CD58: variants seen among roughly 807,000 people sequenced by gnomAD.
CD58 encodes the protein CD58 molecule.
Under a neutral mutation model 27.6 loss-of-function variants are expected in CD58, and 14 were observed. The ratio of observed to expected loss-of-function variants is 0.51; its 90% CI spans 0.34 to 0.79. The LOEUF is 0.79. Among genes scored for constraint, CD58 ranks in the 30% least tolerant of loss-of-function variants. CD58 has a pLI of 0.02. For missense variants in CD58, 268 were observed against 301.7 expected (o/e 0.89, Z 0.83); for synonymous variants, 117 against 103.8 (o/e 1.13, Z -0.77).
chr1:116,561,817 T>G (rs1437789710), intron 1 of CD58, among the ~76,000 whole-genome samples: 2 of 152,238 alleles, frequency 1.3e-5, no homozygotes, highest in East Asian at 3.8e-4. Context: ...TACCTAAGCT[T>G]TGTTCTCCTA....
intron 1 of CD58, among the ~76,000 whole-genome samples, chr1:116,568,716 G>C (rs1304091772): frequency 1.3e-5 from 2 of 152,340 alleles, no homozygotes; most frequent in East Asian, 3.9e-4. Context: ...TCTATGAAGT[G>C]GGTTTATTAT....
intron 3 of CD58, among the ~76,000 whole-genome samples, chr1:116,530,081 G>A (rs765253301): frequency 3.3e-5 from 5 of 152,110 alleles, no homozygotes; most frequent in Non-Finnish European, 7.4e-5. Flanking sequence ...ATTTTGAAAC[G>A]TATAGAGAGT....
chr1:116,570,273 GA>G lies in CD58; in HGVS notation c.70+629del, dbSNP rs2101244365. On this transcript the variant is annotated intron_variant, in intron 1 of 5. Transcript: ENST00000369489. This position sits in a 1 kb window ranked among gnomAD's most constrained non-coding sequence, Gnocchi z 6.4. ...ACACGGAGAGGATGGAACCAGTTCT[GA>G]TACTAGTTTTTAGGATTTGAGGGGA... is the stretch of plus-strand genomic sequence containing the variant. Among the ~76,000 whole-genome samples the G allele has an allele frequency of 6.6e-6, 1 of 152,306 alleles. No homozygotes were observed. The highest frequency in any genetic ancestry group is 2.1e-4 in the South Asian group (1 of 4,828).
intron 3 of CD58, among the ~76,000 whole-genome samples, chr1:116,525,133 T>A (rs7512402): frequency 6.6e-6 from 1 of 152,242 alleles, no homozygotes; most frequent in Non-Finnish European, 1.5e-5. Flanking sequence ...TTTGGACAAA[T>A]GTATAATAAC....
At position 116,514,564 on chromosome 1, in the gene CD58, A is replaced by C; in HGVS notation, c.*249T>G. Reference sequence around the variant, plus strand: ...TGTGTACATATTTACATTTATTTACAAAAGTATCTACATCATCAGTAAAAA... The same window carrying C: ...TGTGTACATATTTACATTTATTTACCAAAGTATCTACATCATCAGTAAAAA... On this transcript the variant is annotated 3_prime_UTR_variant, in exon 6 of 6. Coordinates refer to ENST00000369489, the MANE Select transcript of CD58 (RefSeq NM_001779.3). 2.3e-6 allele frequency: 1 copy of C among 432,280 alleles called. No homozygotes were observed. Among genetic ancestry groups the C allele is most frequent in the Non-Finnish European group, 4.2e-6 (1 of 239,846 alleles). The allele number at this position is 432,280 out of a possible 1,614,324, so 26.8% of individuals were successfully genotyped here.
At position 116,534,672 on chromosome 1, in the gene CD58, A is replaced by G. The variant is rs551650676; in HGVS notation, c.628+1293T>C. On this transcript the variant is annotated intron_variant, in intron 3 of 5. Transcript: ENST00000369489. This position sits in a 1 kb window ranked among gnomAD's most constrained non-coding sequence, Gnocchi z 5.3. ...CGCGGCGGCGCTGCCCACCCTGACG[A>G]GGACGTCTACTTTTTCTTGAAAAAT... 2.6e-5 allele frequency among the ~76,000 whole-genome samples: 4 copies of G among 152,332 alleles called. No individual in the cohort carries two copies. The South Asian group carries it at 8.3e-4, about 32-fold the overall frequency.
chr1:116,530,324 G>A lies in CD58; in HGVS notation c.628+5641C>T, dbSNP rs548250065. ...GGGTTCATGCCATTCTCCTGCCTCA[G>A]CCTCCCAAGTAGCTGGGACTACAGG... On this transcript the variant is annotated intron_variant, in intron 3 of 5. Coordinates refer to ENST00000369489, the MANE Select transcript of CD58 (RefSeq NM_001779.3). 7.2e-5 allele frequency among the ~76,000 whole-genome samples: 11 copies of A among 151,820 alleles called. No homozygotes were observed. The East Asian group carries it at 2.1e-3, about 30-fold the overall frequency.
chr1:116,524,296 G>T lies in CD58; in HGVS notation c.629-2313C>A, dbSNP rs781543985. Among the ~76,000 whole-genome samples the T allele has an allele frequency of 6.6e-6, 1 of 152,122 alleles. No homozygotes were observed. Among genetic ancestry groups the T allele is most frequent in the Non-Finnish European group, 1.5e-5 (1 of 68,026 alleles). On this transcript the variant is annotated intron_variant, in intron 3 of 5. Coordinates refer to ENST00000369489, the MANE Select transcript of CD58 (RefSeq NM_001779.3). The surrounding 1 kb of genome is among the most constrained non-coding windows in gnomAD (Gnocchi z 4.6). ...GAGTTTCCTGGGATATGAAATTCGG[G>T]TGCTGAAACTGGGAAGTCTGGGCAC...
In CD58 at chr1:116,522,969, C is replaced by T. The variant is rs1167025024; in HGVS notation, c.629-986G>A. Among the ~76,000 whole-genome samples the T allele has an allele frequency of 1.3e-5, 2 of 152,092 alleles. No individual in the cohort carries two copies. Among genetic ancestry groups the T allele is most frequent in the African/African-American group, 2.4e-5 (1 of 41,394 alleles). On this transcript the variant is annotated intron_variant, in intron 3 of 5. Transcript: ENST00000369489. The surrounding 1 kb of genome is among the most constrained non-coding windows in gnomAD (Gnocchi z 4.6). The stretch of plus-strand genomic sequence containing the variant: ...CATTTTCTCACAGGGTAACTATACT[C>T]GAGACTAATAAATATACTTATCTCA...
At chr1:116,543,175 G>C (rs1047597504) in intron 2 of CD58, among the ~76,000 whole-genome samples, 1 of 152,174 alleles carries the variant, frequency 6.6e-6, no homozygotes, top group Non-Finnish European at 1.5e-5. Flanking sequence ...GAGCAAGGAA[G>C]CTAAGTGTGT....
chr1:116,533,996 G>GC, intron 3 of CD58: 1 of 1,371,132 alleles, frequency 7.3e-7, no homozygotes, highest in South Asian at 1.2e-5. Context: ...CCAGGATTCT[G>GC]CATCACCTGA....
rs779180230 is a variant in CD58 at position 116,569,472 on chromosome 1, CACACA to C, written c.70+1426_70+1430del. Among the ~76,000 whole-genome samples, 36 of 152,258 alleles carry C rather than the reference CACACA, an allele frequency of 2.4e-4. 4 individuals are homozygous for C. Among genetic ancestry groups the C allele is most frequent in the Admixed American group, 1.6e-3 (25 of 15,302 alleles). ...ATCTTTTCCCACATTATCACATGTC[CACACA>C]TCACCAGTCCTTGAAGGCTGGGCTC... On this transcript the variant is annotated intron_variant, in intron 1 of 5. Coordinates refer to ENST00000369489, the MANE Select transcript of CD58 (RefSeq NM_001779.3).
Position 116,531,528 on chromosome 1 carries a change from C to A in CD58, c.628+4437G>T, listed in dbSNP as rs569144364. On this transcript the variant is annotated intron_variant, in intron 3 of 5. Coordinates refer to ENST00000369489, the MANE Select transcript of CD58 (RefSeq NM_001779.3). The surrounding 1 kb of genome is among the most constrained non-coding windows in gnomAD (Gnocchi z 4.5). ...ACAAATTGCATTTCCATATCGTATGCCTTGGGTATTATGTAACACTCAAAA... is the reference window on the plus strand; with the variant it reads ...ACAAATTGCATTTCCATATCGTATGACTTGGGTATTATGTAACACTCAAAA... Among the ~76,000 whole-genome samples the A allele has an allele frequency of 2.2e-4, 33 of 152,168 alleles. No individual in the cohort carries two copies. Among genetic ancestry groups the A allele is most frequent in the African/African-American group, 7.7e-4 (32 of 41,524 alleles).
At chr1:116,535,138 A>T (rs1448157133) in intron 3 of CD58, among the ~76,000 whole-genome samples, 1 of 152,258 alleles carries the variant, frequency 6.6e-6, no homozygotes, top group Non-Finnish European at 1.5e-5. Context: ...ACATTAGAAA[A>T]TCATAGCCAA....
At chr1:116,540,302 A>T (rs960096969) in intron 2 of CD58, among the ~76,000 whole-genome samples, 1 of 152,082 alleles carries the variant, frequency 6.6e-6, no homozygotes, top group Non-Finnish European at 1.5e-5. Flanking sequence ...CCAGGTTACT[A>T]AAACAAGTGT....
chr1:116,546,253 A>C lies in CD58; in HGVS notation c.71-1649T>G, dbSNP rs1295072591. ...TTGACTGAAGTTTTTGCCTAGTAGC[A>C]ATTAGGGTAATTGAAATAATACAGG... On this transcript the variant is annotated intron_variant, in intron 1 of 5. Coordinates refer to ENST00000369489, the MANE Select transcript of CD58 (RefSeq NM_001779.3). The surrounding 1 kb of genome is among the most constrained non-coding windows in gnomAD (Gnocchi z 4.1). Among the ~76,000 whole-genome samples the C allele has an allele frequency of 6.6e-6, 1 of 152,240 alleles. No individual in the cohort carries two copies. Among genetic ancestry groups the C allele is most frequent in the Admixed American group, 6.5e-5 (1 of 15,286 alleles).
Position 116,521,032 on chromosome 1 carries a change from G to A in CD58, c.706+874C>T, listed in dbSNP as rs1012965282. On this transcript the variant is annotated intron_variant, in intron 4 of 5. Transcript: ENST00000369489. This position sits in a 1 kb window ranked among gnomAD's most constrained non-coding sequence, Gnocchi z 5.6. ...GATGTAGGTATTGAGCACTTGAAAG[G>A]TGGTTAGTGTAACTGAGGAATGAAT... Among the ~76,000 whole-genome samples, 2 of 152,164 alleles carry A rather than the reference G, an allele frequency of 1.3e-5. No individual in the cohort carries two copies. Among genetic ancestry groups the A allele is most frequent in the African/African-American group, 4.8e-5 (2 of 41,428 alleles).
At chr1:116,533,362 C>T in intron 3 of CD58, 1 of 1,004,492 alleles carries the variant, frequency 1.0e-6, no homozygotes, top group Admixed American at 1.7e-5. Context: ...TCCATGATCT[C>T]AGGACCTGCA....
rs1465597918 is a variant in CD58, at chr1:116,531,489, T to C, written c.628+4476A>G. Among the ~76,000 whole-genome samples the C allele has an allele frequency of 6.6e-6, 1 of 152,220 alleles. No individual in the cohort carries two copies. Among genetic ancestry groups the C allele is most frequent in the Admixed American group, 6.5e-5 (1 of 15,284 alleles). ...TTTGTTGTTCCCATTATAAAGCAAC[T>C]ATCTGCTTTTACAACAAATTGCATT... On this transcript the variant is annotated intron_variant, in intron 3 of 5. Transcript: ENST00000369489. The surrounding 1 kb of genome is among the most constrained non-coding windows in gnomAD (Gnocchi z 4.5).
Sources: allele counts gnomAD v4.1 joint callset (sites outside exome capture counted in the v4.1 genomes callset), GRCh38; gene constraint gnomAD v4.1.1; non-coding constraint Gnocchi (gnomAD v3.1); transcripts MANE v1.5; gene names NCBI Gene and HGNC (gene_info 2026-07-23, HGNC 2026-07-21).